Variants in CCSER1 observed in about 807,000 individuals in gnomAD.
The protein encoded by CCSER1 is serine-rich coiled-coil domain-containing protein 1.
Under a neutral mutation model 82.0 loss-of-function variants are expected in CCSER1, and 41 were observed. That is an observed-to-expected ratio of 0.50 (90% confidence interval 0.39 to 0.65). The LOEUF is 0.65. Among genes scored for constraint, CCSER1 ranks in the 30% least tolerant of loss-of-function variants. The probability of loss-of-function intolerance (pLI) is 0.00; values close to 1 mark genes in which losing one functional copy is unlikely to be tolerated. For missense variants in CCSER1, 1,119 were observed against 1,064.2 expected, an observed-to-expected ratio of 1.05 and a Z score of -0.72; for synonymous variants, 414 against 383.9, an observed-to-expected ratio of 1.08 and a Z score of -0.92.
intron 10 of CCSER1, among the ~76,000 whole-genome samples, chr4:91,359,076 T>C (rs2149309934): frequency 6.6e-6 from 1 of 152,210 alleles, no homozygotes; most frequent in East Asian, 1.9e-4. Context: ...AAATGCACAA[T>C]TTCTGTCCCT....
chr4:91,476,450 G>T (rs181328828), intron 10 of CCSER1, among the ~76,000 whole-genome samples: 1 of 151,398 alleles, frequency 6.6e-6, no homozygotes, highest in Non-Finnish European at 1.5e-5. Flanking sequence ...ACTTAGTATT[G>T]TTAAGATGTC....
At chr4:91,180,110 G>A (rs959812003) in intron 10 of CCSER1, among the ~76,000 whole-genome samples, 2 of 152,186 alleles carry the variant, frequency 1.3e-5, no homozygotes, top group African/African-American at 4.8e-5. Flanking sequence ...CACCAGTGGA[G>A]CCTGCAGAAC....
chr4:90,469,524 AACACACACACAC>A (rs3971380), intron 5 of CCSER1, among the ~76,000 whole-genome samples: 10 of 136,420 alleles, frequency 7.3e-5, no homozygotes, highest in South Asian at 2.4e-4. Context: ...TTTCCTGCAA[AACACACACACAC>A]ACACACACAC....
At chr4:90,463,180 G>A (rs1763163764) in intron 4 of CCSER1, among the ~76,000 whole-genome samples, 1 of 152,190 alleles carries the variant, frequency 6.6e-6, no homozygotes, top group East Asian at 1.9e-4. Flanking sequence ...TAATGTGGTT[G>A]TAAAACCAGG....
At chr4:90,637,206 C>T (rs944008363) in intron 6 of CCSER1, among the ~76,000 whole-genome samples, 1 of 152,136 alleles carries the variant, frequency 6.6e-6, no homozygotes, top group Non-Finnish European at 1.5e-5. Flanking sequence ...GATCTACTGC[C>T]TAGTTCACTC....
intron 1 of CCSER1, among the ~76,000 whole-genome samples, chr4:90,273,523 T>A (rs758921065): frequency 3.3e-5 from 5 of 152,310 alleles, no homozygotes; most frequent in Non-Finnish European, 7.4e-5. Context: ...AACTGAAGTT[T>A]TAAATCAGAA....
intron 9 of CCSER1, among the ~76,000 whole-genome samples, chr4:91,030,241 T>C (rs528573919): frequency 6.6e-6 from 1 of 152,040 alleles, no homozygotes; most frequent in South Asian, 2.1e-4. Flanking sequence ...AAACCAAAGA[T>C]GAAAAATGTA....
At chr4:91,519,523 C>T (rs908192972) in intron 10 of CCSER1, among the ~76,000 whole-genome samples, 1 of 152,202 alleles carries the variant, frequency 6.6e-6, no homozygotes, top group African/African-American at 2.4e-5. Context: ...CCTAGGCACC[C>T]CTTTTGCTGG....
intron 4 of CCSER1, among the ~76,000 whole-genome samples, chr4:90,453,579 A>G (rs1159531641): frequency 6.6e-6 from 1 of 152,118 alleles, no homozygotes; most frequent in East Asian, 1.9e-4. Context: ...GAGTAGTCCA[A>G]ACTTCTGTGT....
intron 3 of CCSER1, among the ~76,000 whole-genome samples, chr4:90,393,758 ATAGT>A (rs1437087333): frequency 2.0e-5 from 3 of 150,372 alleles, no homozygotes; most frequent in Admixed American, 2.0e-4. Context: ...ACTTTATACA[ATAGT>A]TATATCTTCC....
intron 3 of CCSER1, among the ~76,000 whole-genome samples, chr4:90,320,765 T>C (rs968086532): frequency 6.6e-6 from 1 of 152,100 alleles, no homozygotes; most frequent in African/African-American, 2.4e-5. Context: ...TTGAGATGAG[T>C]CATTTTCATT....
intron 5 of CCSER1, among the ~76,000 whole-genome samples, chr4:90,479,602 C>T (rs1024591468): frequency 1.3e-5 from 2 of 152,054 alleles, no homozygotes; most frequent in African/African-American, 4.8e-5. Flanking sequence ...GATCAATTCC[C>T]ACCTATAAGT....
At chr4:91,142,500 G>T (rs573023309) in intron 10 of CCSER1, among the ~76,000 whole-genome samples, 1 of 152,162 alleles carries the variant, frequency 6.6e-6, no homozygotes, top group African/African-American at 2.4e-5. Flanking sequence ...TGTTTTTGTT[G>T]TGATTGCTTT....
At chr4:91,167,791 T>C (rs1732257017) in intron 10 of CCSER1, among the ~76,000 whole-genome samples, 1 of 152,262 alleles carries the variant, frequency 6.6e-6, no homozygotes, top group Non-Finnish European at 1.5e-5. Flanking sequence ...TACCTTGCCA[T>C]GTTTATCATT....
chr4:91,090,059 A>G (rs750974871), intron 10 of CCSER1, among the ~76,000 whole-genome samples: 1 of 152,222 alleles, frequency 6.6e-6, no homozygotes, highest in South Asian at 2.1e-4. Context: ...TCAGTTGAGC[A>G]TGAAGATGGG....
Position 90,691,373 on chromosome 4 carries a change from T to TA in CCSER1, c.1933-32534dup, listed in dbSNP as rs555398756. On this transcript the variant is annotated intron_variant, in intron 6 of 10. Transcript: ENST00000509176. The stretch of plus-strand genomic sequence containing the variant: ...TAGACCAGTATTTCTCAAACCACCT[T>TA]AAAAAAACTCATATATATGTGTGTA... Among the ~76,000 whole-genome samples, 75 of 152,002 alleles carry TA rather than the reference T, an allele frequency of 4.9e-4. 1 individual carries two copies. In the East Asian group the frequency reaches 0.012, roughly 24 times the overall value.
At chr4:90,526,789 G>A (rs1486000666) in intron 5 of CCSER1, among the ~76,000 whole-genome samples, 3 of 152,158 alleles carry the variant, frequency 2.0e-5, no homozygotes, top group African/African-American at 7.2e-5. Flanking sequence ...CATTTGGGTT[G>A]GTTCCAAGTC....
intron 10 of CCSER1, among the ~76,000 whole-genome samples, chr4:91,432,818 G>A (rs1438104576): frequency 2.0e-5 from 3 of 152,030 alleles, no homozygotes; most frequent in Non-Finnish European, 2.9e-5. Flanking sequence ...AAAGTTGATT[G>A]TAGTCATTTT....
At chr4:91,532,182 T>C (rs547204201) in intron 10 of CCSER1, among the ~76,000 whole-genome samples, 9 of 152,326 alleles carry the variant, frequency 5.9e-5, no homozygotes, top group Admixed American at 1.3e-4. Context: ...TCACTGGTCT[T>C]CATATTGAAG....
Sources: gnomAD v4.1 joint callset for allele counts (sites outside exome capture counted in the v4.1 genomes callset) on GRCh38, gnomAD v4.1.1 for gene constraint, MANE v1.5 for transcripts, NCBI Gene and HGNC (gene_info 2026-07-23, HGNC 2026-07-21) for gene names.